The following ERBB4 variants were observed in gnomAD, a reference collection of about 807,000 sequenced individuals.
The protein encoded by ERBB4 is erb-b2 receptor tyrosine kinase 4, also known as receptor tyrosine-protein kinase erbB-4.
Under a neutral mutation model 158.0 loss-of-function variants are expected in ERBB4, and 42 were observed. The ratio of observed to expected loss-of-function variants is 0.27; its 90% CI spans 0.21 to 0.34. ERBB4 has a LOEUF of 0.34. Among genes scored for constraint, ERBB4 ranks in the 10% least tolerant of loss-of-function variants. ERBB4 has a pLI of 1.00. For synonymous variants in ERBB4, 583 were observed against 558.7 expected (o/e 1.04, Z -0.61); for missense variants, 1,333 against 1,624.1 (o/e 0.82, Z 3.08).
intron 2 of ERBB4, among the ~76,000 whole-genome samples, chr2:212,021,191 T>C (rs2076641663): frequency 6.6e-6 from 1 of 152,156 alleles, no homozygotes; most frequent in African/African-American, 2.4e-5. Context: ...AATACGATGA[T>C]AAAAATAATT....
chr2:212,435,652 T>G (rs981267528), intron 1 of ERBB4, among the ~76,000 whole-genome samples: 2 of 151,970 alleles, frequency 1.3e-5, no homozygotes, highest in Non-Finnish European at 2.9e-5. Context: ...AACTTTATCA[T>G]GCACACACGA....
At chr2:212,182,899 A>C (rs2081916089) in intron 1 of ERBB4, among the ~76,000 whole-genome samples, 1 of 150,742 alleles carries the variant, frequency 6.6e-6, no homozygotes, top group Admixed American at 6.6e-5. Context: ...ATTGATTTTT[A>C]AGATGAATAT....
chr2:212,019,368 T>C (rs1255098752), intron 2 of ERBB4, among the ~76,000 whole-genome samples: 1 of 152,066 alleles, frequency 6.6e-6, no homozygotes, highest in African/African-American at 2.4e-5. Flanking sequence ...CGTTTTTAAT[T>C]AAAAAAGCAT....
intron 20 of ERBB4, among the ~76,000 whole-genome samples, chr2:211,431,304 C>G (rs888263776): frequency 6.6e-5 from 10 of 152,156 alleles, no homozygotes; most frequent in Non-Finnish European, 4.4e-5. Flanking sequence ...CCCTAAAGTC[C>G]TATGAGATGA....
chr2:211,677,844 AG>A (rs539946124), intron 13 of ERBB4, among the ~76,000 whole-genome samples: 1 of 152,316 alleles, frequency 6.6e-6, no homozygotes, highest in South Asian at 2.1e-4. Flanking sequence ...ACTGCGCTCT[AG>A]CCAGGCAACA....
chr2:211,973,672 G>A (rs1042854568), intron 2 of ERBB4, among the ~76,000 whole-genome samples: 3 of 152,186 alleles, frequency 2.0e-5, no homozygotes, highest in Non-Finnish European at 4.4e-5. Context: ...AGACAGTGTG[G>A]CAATTCCTCG....
intron 20 of ERBB4, among the ~76,000 whole-genome samples, chr2:211,473,571 C>T (rs1407813402): frequency 6.6e-6 from 1 of 152,038 alleles, no homozygotes; most frequent in Non-Finnish European, 1.5e-5. Flanking sequence ...CATTTCCCCT[C>T]AAAACTTTTT....
intron 1 of ERBB4, chr2:212,125,150 G>A (rs901383406): frequency 8.2e-6 from 4 of 488,286 alleles, no homozygotes; most frequent in African/African-American, 7.8e-5. Flanking sequence ...ATAGCAAGGA[G>A]ATAAACTTAA....
chr2:211,945,771 T>C (rs1306444749), intron 3 of ERBB4, among the ~76,000 whole-genome samples: 1 of 152,020 alleles, frequency 6.6e-6, no homozygotes, highest in Non-Finnish European at 1.5e-5. Flanking sequence ...AATGTGAAAA[T>C]AAATAAGGGA....
chr2:211,936,055 C>G (rs965009341), intron 3 of ERBB4, among the ~76,000 whole-genome samples: 3 of 151,972 alleles, frequency 2.0e-5, no homozygotes, highest in African/African-American at 7.2e-5. Flanking sequence ...TTTTTTAAAA[C>G]TAGTAGAATT....
At chr2:212,255,069 A>G (rs559393863) in intron 1 of ERBB4, among the ~76,000 whole-genome samples, 1 of 152,246 alleles carries the variant, frequency 6.6e-6, no homozygotes, top group Admixed American at 6.5e-5. Context: ...TATCCATATT[A>G]TTTAGACCAT....
At chr2:211,794,355 C>T (rs1453746860) in intron 3 of ERBB4, among the ~76,000 whole-genome samples, 1 of 151,838 alleles carries the variant, frequency 6.6e-6, no homozygotes, top group Non-Finnish European at 1.5e-5. Flanking sequence ...AGAGCAAATG[C>T]TACCTTACCT....
At chr2:212,191,654 C>CGT (rs1559702579) in intron 1 of ERBB4, among the ~76,000 whole-genome samples, 1 of 88,410 alleles carries the variant, frequency 1.1e-5, no homozygotes, top group African/African-American at 4.1e-5. Context: ...ATAACACATG[C>CGT]GTTATACATG....
At chr2:211,414,152 A>G (rs941689329) in intron 25 of ERBB4, among the ~76,000 whole-genome samples, 1 of 152,150 alleles carries the variant, frequency 6.6e-6, no homozygotes, top group Non-Finnish European at 1.5e-5. Context: ...TACCTCTATC[A>G]GAGGTAGGCC....
chr2:212,039,851 A>C (rs1401599853), intron 2 of ERBB4, among the ~76,000 whole-genome samples: 2 of 152,106 alleles, frequency 1.3e-5, no homozygotes, highest in Non-Finnish European at 2.9e-5. Context: ...AAAAAAGAAA[A>C]GAAAAGAAAA....
chr2:211,652,891 A>T (rs1019096963), intron 16 of ERBB4, among the ~76,000 whole-genome samples: 14 of 152,208 alleles, frequency 9.2e-5, no homozygotes, highest in African/African-American at 3.4e-4. Context: ...TGTTTTGCCA[A>T]TGGAAACTTG....
chr2:211,616,034 G>A (rs1440723925), intron 19 of ERBB4, among the ~76,000 whole-genome samples: 1 of 152,070 alleles, frequency 6.6e-6, no homozygotes, highest in African/African-American at 2.4e-5. Flanking sequence ...TAGCTTGAAA[G>A]TTATCCTTGG....
intron 20 of ERBB4, among the ~76,000 whole-genome samples, chr2:211,434,994 A>C (rs1259210129): frequency 1.3e-5 from 2 of 152,220 alleles, no homozygotes; most frequent in Non-Finnish European, 2.9e-5. Flanking sequence ...TTTTCTCTAC[A>C]TCACAGTCAT....
At chr2:211,600,284 A>T (rs1267691506) in intron 19 of ERBB4, among the ~76,000 whole-genome samples, 1 of 152,180 alleles carries the variant, frequency 6.6e-6, no homozygotes, top group Non-Finnish European at 1.5e-5. Context: ...ATCCTGCTGA[A>T]ACAAGAGTGA....
Sources: allele counts gnomAD v4.1 joint callset (sites outside exome capture counted in the v4.1 genomes callset), GRCh38; gene constraint gnomAD v4.1.1; transcripts MANE v1.5; gene names NCBI Gene and HGNC (gene_info 2026-07-23, HGNC 2026-07-21).